STK24: variants seen among roughly 807,000 people sequenced by gnomAD.
STK24 encodes the protein serine/threonine kinase 24.
A neutral mutation model predicts 55.6 loss-of-function variants in STK24; 21 were observed. The observed-to-expected ratio is 0.38, with a 90% CI of 0.27 to 0.54. STK24 has a LOEUF of 0.54. Ranked by LOEUF, STK24 falls within the 20% of genes least tolerant of loss-of-function variation. STK24 has a pLI of 0.79. For missense variants in STK24, 383 were observed against 538.4 expected, an observed-to-expected ratio of 0.71 and a Z score of 2.86; for synonymous variants, 200 against 215.2, an observed-to-expected ratio of 0.93 and a Z score of 0.62.
chr13:98,556,504 C>A (rs1351372304), intron 1 of STK24, among the ~76,000 whole-genome samples: 1 of 151,104 alleles, frequency 6.6e-6, no homozygotes, highest in Non-Finnish European at 1.5e-5. Context: ...GGTTGTTGTT[C>A]TTTTGCCTAC....
Position 98,453,089 on chromosome 13 carries a change from G to A in STK24, c.*84C>T, listed in dbSNP as rs978833762. 4 of 1,519,064 alleles carry A rather than the reference G, an allele frequency of 2.6e-6. No individual in the cohort carries two copies. Among genetic ancestry groups the A allele is most frequent in the Admixed American group, 1.7e-5 (1 of 58,268 alleles). The allele number at this position is 1,519,064 out of a possible 1,614,324, so 94.1% of individuals were successfully genotyped here. A position where few individuals can be genotyped will look rare whatever the true frequency, so the allele number is the denominator to read the frequency against. ...GTGGCGCACCTCTTCGGTGGAGTCA[G>A]CGAAGGCTCTCGTTGACTTTTAAAA... is the stretch of plus-strand genomic sequence containing the variant. On this transcript the variant is annotated 3_prime_UTR_variant, in exon 11 of 11. Coordinates refer to ENST00000539966, the MANE Select transcript of STK24 (RefSeq NM_001032296.4).
In STK24 at chr13:98,482,308, C is replaced by T; in HGVS notation, c.287G>A (p.Trp96Ter). 2 of 1,555,660 alleles carry T rather than the reference C, an allele frequency of 1.3e-6. No homozygotes were observed. The highest frequency in any genetic ancestry group is 1.4e-5 in the African/African-American group (1 of 72,060). ...YGSYLKDTKL[W>*]IIMEYLGGGS... ...TCCACCAAGATATTCCATTATTATCCATAATTTTGTATCCTATAAAACAAA... is the reference window on the plus strand; with the variant it reads ...TCCACCAAGATATTCCATTATTATCTATAATTTTGTATCCTATAAAACAAA... Residue 96 changes from tryptophan to a stop codon, truncating the protein, a stop_gained, in exon 3 of 11, where the codon TGG becomes TAG. Transcript: ENST00000539966. LOFTEE classifies it high-confidence loss of function.
At position 98,504,003 on chromosome 13, in the gene STK24, G is replaced by A. The variant is rs543704072; in HGVS notation, c.273+15240C>T. On this transcript the variant is annotated intron_variant, in intron 2 of 10. Transcript: ENST00000539966. ...ACACTCTCTCCTCATTACTGTCCCA[G>A]AGGGAGATGTGAAGTCTATGGAGAA... 3.3e-5 allele frequency among the ~76,000 whole-genome samples: 5 copies of A among 152,316 alleles called. No homozygotes were observed. The South Asian group carries it at 1.0e-3, about 32-fold the overall frequency.
intron 3 of STK24, among the ~76,000 whole-genome samples, chr13:98,481,796 C>T (rs1894591707): frequency 6.6e-6 from 1 of 152,148 alleles, no homozygotes; most frequent in African/African-American, 2.4e-5. Flanking sequence ...GGCCTATAAT[C>T]CCAGCACTTT....
intron 2 of STK24, among the ~76,000 whole-genome samples, chr13:98,499,259 G>A (rs1413612323): frequency 1.3e-5 from 2 of 151,276 alleles, no homozygotes; most frequent in African/African-American, 2.4e-5. Context: ...CCAGCTTCAA[G>A]TAAGGGCCTA....
At chr13:98,477,600 A>T (rs1894425272) in intron 3 of STK24, among the ~76,000 whole-genome samples, 1 of 151,506 alleles carries the variant, frequency 6.6e-6, no homozygotes, top group Non-Finnish European at 1.5e-5. Context: ...GCTTGAACCC[A>T]GGAGGCAGAG....
chr13:98,574,130 G>T (rs1434196894), intron 1 of STK24, among the ~76,000 whole-genome samples: 1 of 152,118 alleles, frequency 6.6e-6, no homozygotes. Context: ...TCCTGCCTCA[G>T]CCTCCCGAGT....
intron 2 of STK24, among the ~76,000 whole-genome samples, chr13:98,495,762 A>C (rs938366144): frequency 6.6e-6 from 1 of 152,182 alleles, no homozygotes; most frequent in Admixed American, 6.5e-5. Flanking sequence ...TTTACCCCAT[A>C]ATTGATTGCG....
At chr13:98,500,395 T>A (rs1326609694) in intron 2 of STK24, among the ~76,000 whole-genome samples, 1 of 152,176 alleles carries the variant, frequency 6.6e-6, no homozygotes, top group Non-Finnish European at 1.5e-5. Flanking sequence ...TGATATGGAA[T>A]TGAAATTTAC....
intron 2 of STK24, among the ~76,000 whole-genome samples, chr13:98,502,750 T>G (rs1895524740): frequency 6.6e-6 from 1 of 152,162 alleles, no homozygotes; most frequent in Admixed American, 6.5e-5. Flanking sequence ...CCTCCAGAAC[T>G]GTGAAAAATA....
intron 2 of STK24, among the ~76,000 whole-genome samples, chr13:98,502,209 A>G (rs1895495687): frequency 3.3e-5 from 5 of 151,936 alleles, no homozygotes; most frequent in Admixed American, 2.0e-4. Context: ...CTCCCTCACT[A>G]CACCAAAGAA....
At chr13:98,514,516 A>T (rs1407434581) in intron 2 of STK24, among the ~76,000 whole-genome samples, 1 of 152,220 alleles carries the variant, frequency 6.6e-6, no homozygotes, top group Non-Finnish European at 1.5e-5. Flanking sequence ...GGACTTTCCC[A>T]TATTAGTCTT....
At chr13:98,552,875 T>G (rs1897189910) in intron 1 of STK24, among the ~76,000 whole-genome samples, 1 of 152,076 alleles carries the variant, frequency 6.6e-6, no homozygotes, top group Non-Finnish European at 1.5e-5. Flanking sequence ...TGTAGGACGC[T>G]CCAGTGGTGG....
chr13:98,469,758 T>C (rs1362425530), intron 5 of STK24, among the ~76,000 whole-genome samples: 1 of 152,090 alleles, frequency 6.6e-6, no homozygotes, highest in Non-Finnish European at 1.5e-5. Flanking sequence ...AGGACTTCTG[T>C]AGGGGGCTCC....
At chr13:98,515,507 T>C (rs1297868222) in intron 2 of STK24, among the ~76,000 whole-genome samples, 1 of 144,654 alleles carries the variant, frequency 6.9e-6, no homozygotes, top group East Asian at 2.2e-4. Flanking sequence ...CTCAGATCCA[T>C]AAATATTGGG....
Position 98,479,734 on chromosome 13 carries a change from C to T in STK24, c.330+2531G>A, listed in dbSNP as rs145766435. Among the ~76,000 whole-genome samples the T allele has an allele frequency of 9.2e-5, 14 of 152,312 alleles. No individual in the cohort carries two copies. The East Asian group carries it at 2.7e-3, about 29-fold the overall frequency. On this transcript the variant is annotated intron_variant, in intron 3 of 10. Coordinates refer to ENST00000539966, the MANE Select transcript of STK24 (RefSeq NM_001032296.4). ...CCCTCAGCTCCGGGAGACCCTTGCACCTCGAGGGGGCCCGGTGCTGTGGAT... is the reference window on the plus strand; with the variant it reads ...CCCTCAGCTCCGGGAGACCCTTGCATCTCGAGGGGGCCCGGTGCTGTGGAT...
intron 5 of STK24, among the ~76,000 whole-genome samples, chr13:98,472,587 C>T (rs1894194280): frequency 1.3e-5 from 2 of 152,208 alleles, no homozygotes; most frequent in African/African-American, 2.4e-5. Flanking sequence ...GTTGTATTCA[C>T]AGTGCAGTTG....
intron 1 of STK24, among the ~76,000 whole-genome samples, chr13:98,568,446 C>A (rs1897645958): frequency 6.6e-6 from 1 of 152,186 alleles, no homozygotes; most frequent in African/African-American, 2.4e-5. Flanking sequence ...TGCCCCACAT[C>A]TCACAGCCAG....
At chr13:98,564,185 G>T (rs1897506768) in intron 1 of STK24, among the ~76,000 whole-genome samples, 1 of 152,188 alleles carries the variant, frequency 6.6e-6, no homozygotes, top group Admixed American at 6.5e-5. Context: ...TATATGTATA[G>T]TATTACATTT....
Sources: gnomAD v4.1 joint callset for allele counts (sites outside exome capture counted in the v4.1 genomes callset) on GRCh38, gnomAD v4.1.1 for gene constraint, MANE v1.5 for transcripts, NCBI Gene and HGNC (gene_info 2026-07-23, HGNC 2026-07-21) for gene names.